MCM8: variants seen among roughly 807,000 people sequenced by gnomAD.
MCM8 encodes the protein DNA helicase MCM8.
MCM8 carries 85 observed loss-of-function variants against 98.9 expected under a neutral mutation model. The ratio of observed to expected loss-of-function variants is 0.86; its 90% confidence interval spans 0.72 to 1.03. The LOEUF (loss-of-function observed/expected upper bound fraction) is 1.03. Ranked by LOEUF, MCM8 falls within the 50% of genes least tolerant of loss-of-function variation. MCM8 has a pLI of 0.00. For synonymous variants in MCM8, 352 were observed against 338.6 expected, an observed-to-expected ratio of 1.04 and a Z score of -0.44; for missense variants, 951 against 997.8, an observed-to-expected ratio of 0.95 and a Z score of 0.63.
chr20:5,989,909 A>G (rs2089813529), intron 17 of MCM8, among the ~76,000 whole-genome samples: 1 of 152,222 alleles, frequency 6.6e-6, no homozygotes, highest in African/African-American at 2.4e-5. Context: ...AGCTTTAAAG[A>G]TTCTAGAATT....
chr20:5,974,168 T>A (rs574139301), intron 12 of MCM8, among the ~76,000 whole-genome samples: 1 of 152,312 alleles, frequency 6.6e-6, no homozygotes, highest in Non-Finnish European at 1.5e-5. Flanking sequence ...GGTCTTCCTC[T>A]TTTGCCCAGA....
At chr20:5,967,727 A>AG in intron 9 of MCM8, 103 bp from the exon 10 acceptor site, 1 of 1,360,986 alleles carries the variant, frequency 7.3e-7, no homozygotes, top group Non-Finnish European at 1.0e-6. Flanking sequence ...TTTTAAAAAA[A>AG]CATGTATTTG....
intron 11 of MCM8, chr20:5,972,799 G>A: frequency 3.5e-6 from 5 of 1,424,110 alleles, no homozygotes; most frequent in Non-Finnish European, 4.6e-6. Context: ...TCGTTTTTGT[G>A]GAATGGATTT....
At chr20:5,965,210 A>G (rs1369555394) in intron 8 of MCM8, 1 of 152,230 alleles carries the variant, frequency 6.6e-6, no homozygotes, top group Non-Finnish European at 1.5e-5. Context: ...GATAAATAAT[A>G]TGAGCTTCTG....
Position 5,984,904 on chromosome 20 carries a change from C to A in MCM8, c.1857C>A (p.Thr619=). The A allele has an allele frequency of 6.2e-7, 1 of 1,614,060 alleles. No homozygotes were observed. The highest frequency in any genetic ancestry group is 8.5e-7 in the Non-Finnish European group (1 of 1,179,994). The change falls in exon 15 of 19, where the codon ACC becomes ACA. Residue 619 remains threonine (T), a synonymous_variant. Coordinates refer to ENST00000610722, the MANE Select transcript of MCM8 (RefSeq NM_032485.6). ...VIAIRAGKQR[T]ISSATVARMN... is the part of the protein sequence containing the mutation. ...CAATAAGAGCTGGAAAGCAGAGAAC[C>A]ATTAGCAGTGCCACAGTAGCTCGTA...
At chr20:5,969,523 C>G (rs994047943) in intron 10 of MCM8, among the ~76,000 whole-genome samples, 1 of 148,642 alleles carries the variant, frequency 6.7e-6, no homozygotes, top group East Asian at 2.0e-4. Flanking sequence ...ACCTGGGAGG[C>G]GGAGGTTGCA....
intron 11 of MCM8, 59 bp from the exon 12 acceptor site, chr20:5,972,997 T>TTAGTA: frequency 6.3e-7 from 1 of 1,578,496 alleles, no homozygotes; most frequent in South Asian, 1.1e-5. Context: ...AATACCCCCT[T>TTAGTA]TACTAGTCAC....
In MCM8 at chr20:5,994,352, G is replaced by A. The variant is rs768893471; in HGVS notation, c.2484G>A (p.Leu828=). 6 of 1,609,306 alleles carry A rather than the reference G, an allele frequency of 3.7e-6. No homozygotes were observed. Among genetic ancestry groups the A allele is most frequent in the Non-Finnish European group, 5.1e-6 (6 of 1,178,304 alleles). Residue 828 remains leucine, a synonymous_variant, in exon 19 of 19, where the codon TTG becomes TTA. Transcript: ENST00000610722. ...CACTAAATGACCAGGGTTACCTCTT[G>A]AAAAAAGGCCCAAAAGTTTACCAGC... ...IGSLNDQGYL[L]KKGPKVYQLQ...
chr20:5,986,010 TATCC>T lies in MCM8; in HGVS notation c.2044_2047del (p.Ser682GlnfsTer21), dbSNP rs1444717273. ...GCTCGGCAGTATGTGTACCCAAGGCTATCCACAGAAGCTGCTCGAGTTCTTCAAG... is the reference window on the plus strand; with the variant it reads ...GCTCGGCAGTATGTGTACCCAAGGCTACAGAAGCTGCTCGAGTTCTTCAAG... On this transcript the variant is annotated frameshift_variant, in exon 16 of 19. Coordinates refer to ENST00000610722, the MANE Select transcript of MCM8 (RefSeq NM_032485.6). LOFTEE classifies it high-confidence loss of function. 6.2e-7 allele frequency: 1 copy of T among 1,614,238 alleles called. No individual in the cohort carries two copies. Among genetic ancestry groups the T allele is most frequent in the Non-Finnish European group, 8.5e-7 (1 of 1,180,030 alleles).
intron 7 of MCM8, among the ~76,000 whole-genome samples, chr20:5,959,125 T>G (rs59314599): frequency 0.024 from 3,671 of 151,874 alleles, 130 homozygotes; most frequent in African/African-American, 0.077. Flanking sequence ...TCTTCTACTA[T>G]TTAGAAGTGA....
At chr20:5,959,622 A>C (rs1487433761) in intron 7 of MCM8, among the ~76,000 whole-genome samples, 1 of 152,108 alleles carries the variant, frequency 6.6e-6, no homozygotes, top group Non-Finnish European at 1.5e-5. Context: ...TTATAAGAAC[A>C]AATGATACTG....
At chr20:5,970,533 C>A (rs1285049653) in intron 10 of MCM8, among the ~76,000 whole-genome samples, 1 of 152,166 alleles carries the variant, frequency 6.6e-6, no homozygotes, top group African/African-American at 2.4e-5. Context: ...GTATTAAACA[C>A]CTCAGCACTT....
At position 5,986,432 on chromosome 20, in the gene MCM8, A is replaced by G. The variant is rs567131119; in HGVS notation, c.2163+301A>G. Reference sequence around the variant, plus strand: ...AAAAGTGGTTAGGTTAACTAGGAGTATGAGACCCAAGTTGAGTATATGGGA... The same window carrying G: ...AAAAGTGGTTAGGTTAACTAGGAGTGTGAGACCCAAGTTGAGTATATGGGA... On this transcript the variant is annotated intron_variant, in intron 16 of 18. Coordinates refer to ENST00000610722, the MANE Select transcript of MCM8 (RefSeq NM_032485.6). 5.9e-5 allele frequency among the ~76,000 whole-genome samples: 9 copies of G among 152,362 alleles called. No individual in the cohort carries two copies. In the South Asian group the frequency reaches 1.9e-3, roughly 32 times the overall value.
chr20:5,983,676 G>T (rs2089674521), intron 14 of MCM8, among the ~76,000 whole-genome samples: 1 of 152,054 alleles, frequency 6.6e-6, no homozygotes, highest in South Asian at 2.1e-4. Flanking sequence ...CTCCAGCCTG[G>T]GTGACAGAGT....
chr20:5,954,704 A>G lies in MCM8; in HGVS notation c.336+14A>G, dbSNP rs762569414. ...TTGTATGACAAGGTAAGATTCCTCT[A>G]CAGCAAAGCTACCAGTCATGTGCCA... On this transcript the variant is annotated intron_variant, in intron 4 of 18. Transcript: ENST00000610722. The G allele has an allele frequency of 2.7e-6, 4 of 1,469,036 alleles. No individual in the cohort carries two copies. The highest frequency in any genetic ancestry group is 1.7e-5 in the Admixed American group (1 of 59,412). 91.0% of individuals were successfully genotyped at this position (1,469,036 alleles called of 1,614,324 possible). A position where few individuals can be genotyped will look rare whatever the true frequency, so the allele number is the denominator to read the frequency against.
At chr20:5,958,183 A>C (rs559454577) in intron 6 of MCM8, among the ~76,000 whole-genome samples, 271 of 152,338 alleles carry the variant, frequency 1.8e-3, no homozygotes, top group Non-Finnish European at 3.3e-3. Context: ...ATCCTGGCCA[A>C]CATGGTGAAA....
intron 11 of MCM8, 77 bp downstream of exon 11, chr20:5,972,114 T>C: frequency 8.6e-7 from 1 of 1,165,598 alleles, no homozygotes; most frequent in Non-Finnish European, 1.2e-6. Flanking sequence ...TTACAGAAAG[T>C]AGCAAATTTC....
intron 7 of MCM8, 23 bp downstream of exon 7, chr20:5,958,749 C>A: frequency 6.3e-7 from 1 of 1,597,912 alleles, no homozygotes; most frequent in Non-Finnish European, 8.6e-7. Context: ...TTAACTGCTT[C>A]TTTATTTATC....
In MCM8 at chr20:5,957,169, C is replaced by T. The variant is rs756497370; in HGVS notation, c.530C>T (p.Ala177Val). The part of the protein sequence containing the change: ...DLERHAAELQ[A>V]QEGLSNDGET... ...GAAAGGCATGCAGCTGAGTTACAAG[C>T]CCAGGAAGGATTGTCTAATGATGGA... The change falls in exon 6 of 19, where the codon GCC (alanine) becomes GTC (valine). Residue 177 changes from alanine (A) to valine (V), a missense_variant. Physicochemically the swap from Ala to Val is moderately conservative, Grantham distance 64. Coordinates refer to ENST00000610722, the MANE Select transcript of MCM8 (RefSeq NM_032485.6). 1.5e-5 allele frequency: 24 copies of T among 1,613,564 alleles called. No homozygotes were observed. The East Asian group carries it at 5.4e-4, about 36-fold the overall frequency.
Sources: allele counts gnomAD v4.1 joint callset (sites outside exome capture counted in the v4.1 genomes callset), GRCh38; gene constraint gnomAD v4.1.1; transcripts MANE v1.5; gene names NCBI Gene and HGNC (gene_info 2026-07-23, HGNC 2026-07-21).